CATSPERB: variants seen among roughly 807,000 people sequenced by gnomAD.
CATSPERB encodes the protein catsper channel auxiliary subunit beta.
In CATSPERB, 93 loss-of-function variants were observed where a neutral mutation model predicts 128.3. The observed-to-expected ratio is 0.72, with a 90% CI of 0.61 to 0.86. The LOEUF (loss-of-function observed/expected upper bound fraction) is 0.86. CATSPERB is among the 40% of genes least tolerant of loss of function. The probability of loss-of-function intolerance (pLI) is 0.00; values close to 1 mark genes in which losing one functional copy is unlikely to be tolerated. For synonymous variants in CATSPERB, 381 were observed against 448.8 expected (o/e 0.85, Z 1.91); for missense variants, 1,153 against 1,329.5 (o/e 0.87, Z 2.06).
In CATSPERB at chr14:91,693,121, C is replaced by T. The variant is rs772100347; in HGVS notation, c.831+5G>A. On this transcript the variant is annotated splice_donor_5th_base_variant and intron_variant, in intron 9 of 26. Coordinates refer to ENST00000256343, the MANE Select transcript of CATSPERB (RefSeq NM_024764.4). ...TAGCTATTAGTTACAAAGCAATTTA[C>T]ATACCGATAAGCTGTGGCGTGATGG... The T allele has an allele frequency of 9.5e-6, 15 of 1,582,080 alleles. No individual in the cohort carries two copies. The highest frequency in any genetic ancestry group is 1.1e-5 in the Non-Finnish European group (13 of 1,155,078).
chr14:91,676,543 CTTGAATCTGCT>C (rs1396819754), intron 11 of CATSPERB, among the ~76,000 whole-genome samples: 5 of 151,236 alleles, frequency 3.3e-5, no homozygotes, highest in African/African-American at 9.7e-5. Flanking sequence ...TTCTGCCTGC[CTTGAATCTGCT>C]TTGAATCTGC....
intron 5 of CATSPERB, among the ~76,000 whole-genome samples, chr14:91,716,692 T>C (rs1379419080): frequency 2.0e-5 from 3 of 151,170 alleles, no homozygotes; most frequent in Non-Finnish European, 4.4e-5. Flanking sequence ...CATACTTATA[T>C]GCATACATAT....
intron 18 of CATSPERB, 92 bp from the exon 19 acceptor site, chr14:91,622,029 G>T: frequency 1.2e-6 from 1 of 804,964 alleles, no homozygotes; most frequent in Non-Finnish European, 1.9e-6. Flanking sequence ...TACACTGTTT[G>T]AGTTTTTAAA....
chr14:91,723,965 T>C (rs926027398), intron 3 of CATSPERB, among the ~76,000 whole-genome samples: 2 of 151,600 alleles, frequency 1.3e-5, no homozygotes, highest in African/African-American at 4.8e-5. Flanking sequence ...GGAAGGGAGG[T>C]TGAGAGTGCA....
At chr14:91,589,507 A>T in intron 24 of CATSPERB, 27 bp downstream of exon 24, 3 of 1,596,902 alleles carry the variant, frequency 1.9e-6, no homozygotes, top group Non-Finnish European at 2.6e-6. Flanking sequence ...ATCAGATAAA[A>T]TAATTACAGA....
intron 13 of CATSPERB, among the ~76,000 whole-genome samples, chr14:91,672,149 AT>A (rs923928268): frequency 1.6e-3 from 249 of 151,582 alleles, no homozygotes; most frequent in African/African-American, 5.6e-3. Context: ...TCCTATTAAT[AT>A]TTTTTTTTCA....
chr14:91,653,190 A>T (rs183126870), intron 15 of CATSPERB, among the ~76,000 whole-genome samples: 3 of 152,252 alleles, frequency 2.0e-5, no homozygotes, highest in Non-Finnish European at 4.4e-5. Context: ...AGAAATTTTA[A>T]ACTATACAAT....
intron 15 of CATSPERB, among the ~76,000 whole-genome samples, chr14:91,648,108 A>C (rs2139812634): frequency 6.6e-6 from 1 of 152,114 alleles, no homozygotes; most frequent in South Asian, 2.1e-4. Context: ...TTCATTCATA[A>C]TTTGCCACTG....
intron 7 of CATSPERB, among the ~76,000 whole-genome samples, chr14:91,702,966 T>A (rs7158116): frequency 0.031 from 4,680 of 152,050 alleles, 237 homozygotes; most frequent in African/African-American, 0.1. Context: ...TAGGATTTTT[T>A]AAATTATAAT....
chr14:91,650,887 T>C (rs1894693284), intron 15 of CATSPERB, among the ~76,000 whole-genome samples: 1 of 152,130 alleles, frequency 6.6e-6, no homozygotes, highest in African/African-American at 2.4e-5. Context: ...ATTTTACATC[T>C]GGGTATGTTT....
intron 17 of CATSPERB, among the ~76,000 whole-genome samples, chr14:91,629,161 A>G (rs1357983010): frequency 1.3e-5 from 2 of 152,228 alleles, no homozygotes; most frequent in African/African-American, 4.8e-5. Context: ...CGGGATACTC[A>G]GATGATGGAA....
rs112397851 is a variant in CATSPERB at position 91,669,667 on chromosome 14, T to C, written c.1287+147A>G. 6.2e-5 allele frequency: 46 copies of C among 740,354 alleles called. 2 individuals are homozygous for C. Among genetic ancestry groups the C allele is most frequent in the African/African-American group, 5.3e-4 (29 of 54,304 alleles). The allele number at this position is 740,354 out of a possible 1,614,324, so 45.9% of individuals were successfully genotyped here. A position where few individuals can be genotyped will look rare whatever the true frequency, so the allele number is the denominator to read the frequency against. On this transcript the variant is annotated intron_variant, in intron 14 of 26. Transcript: ENST00000256343. ...CTGATAATGGACACCAAGCTTAGTATACAATAAATAGTCAATAAATATTGT... is the reference window on the plus strand; with the variant it reads ...CTGATAATGGACACCAAGCTTAGTACACAATAAATAGTCAATAAATATTGT...
intron 5 of CATSPERB, among the ~76,000 whole-genome samples, chr14:91,717,714 C>T (rs140866262): frequency 9.2e-5 from 14 of 152,292 alleles, no homozygotes; most frequent in African/African-American, 2.6e-4. Context: ...CAAGATTTTA[C>T]ATACACTCAA....
rs144986347 is a variant in CATSPERB at position 91,725,365 on chromosome 14, C to T, written c.80-197G>A. ...ATATGCTATAAGGTATGTTTAGAAA[C>T]GGAAGGTTTGGCTGAAGCACTAATA... On this transcript the variant is annotated intron_variant, in intron 2 of 26. Transcript: ENST00000256343. 5.6e-3 allele frequency among the ~76,000 whole-genome samples: 846 copies of T among 152,182 alleles called. 7 individuals carry two copies. Among genetic ancestry groups the T allele is most frequent in the African/African-American group, 0.018 (743 of 41,520 alleles).
chr14:91,711,253 G>C (rs1417963478), intron 5 of CATSPERB, among the ~76,000 whole-genome samples: 2 of 151,918 alleles, frequency 1.3e-5, no homozygotes, highest in Admixed American at 6.6e-5. Context: ...TTGATTTTTT[G>C]AGACAGAGTC....
intron 23 of CATSPERB, 61 bp downstream of exon 23, chr14:91,591,831 C>T: frequency 8.9e-7 from 1 of 1,127,326 alleles, no homozygotes; most frequent in Non-Finnish European, 1.3e-6. Context: ...CCTAAAGGCA[C>T]ATTTCAAAAT....
chr14:91,658,178 T>C (rs1894817721), intron 15 of CATSPERB, among the ~76,000 whole-genome samples: 1 of 152,160 alleles, frequency 6.6e-6, no homozygotes, highest in Non-Finnish European at 1.5e-5. Context: ...ATGGTACATA[T>C]ACACAATGGA....
At chr14:91,653,480 C>A (rs577268155) in intron 15 of CATSPERB, among the ~76,000 whole-genome samples, 1 of 152,240 alleles carries the variant, frequency 6.6e-6, no homozygotes, top group African/African-American at 2.4e-5. Flanking sequence ...ATGCCCGAGA[C>A]TGGGCAATTT....
At position 91,617,831 on chromosome 14, in the gene CATSPERB, A is replaced by T. The variant is rs570647674; in HGVS notation, c.2261-95T>A. On this transcript the variant is annotated intron_variant, in intron 19 of 26. Coordinates refer to ENST00000256343, the MANE Select transcript of CATSPERB (RefSeq NM_024764.4). ...TAATCAGATTTTAGAACATCAACTG[A>T]ATCTATTCTGAAGGTTGCACAATGA... The T allele has an allele frequency of 6.9e-6, 6 of 873,370 alleles. No individual in the cohort carries two copies. The African/African-American group carries it at 1.0e-4, about 15-fold the overall frequency. The allele number at this position is 873,370 out of a possible 1,614,324, so 54.1% of individuals were successfully genotyped here.
Sources: gnomAD v4.1 joint callset for allele counts (sites outside exome capture counted in the v4.1 genomes callset) on GRCh38, gnomAD v4.1.1 for gene constraint, MANE v1.5 for transcripts, NCBI Gene and HGNC (gene_info 2026-07-23, HGNC 2026-07-21) for gene names.